The following DOCK2 variants were observed in gnomAD, a reference collection of about 807,000 sequenced individuals.
DOCK2 encodes dedicator of cytokinesis 2.
DOCK2 carries 87 observed loss-of-function variants against 248.9 expected under a neutral mutation model. The observed-to-expected ratio is 0.35, with a 90% CI of 0.29 to 0.42. The LOEUF (loss-of-function observed/expected upper bound fraction) is 0.42, where lower values mean the gene tolerates loss of function less well. Ranked by LOEUF, DOCK2 falls within the 10% of genes least tolerant of loss-of-function variation. DOCK2 has a pLI of 1.00. For synonymous variants in DOCK2, 805 were observed against 821.6 expected (o/e 0.98, Z 0.35); for missense variants, 1,747 against 2,300.2 (o/e 0.76, Z 4.92).
chr5:169,954,854 C>G (rs1274225238), intron 27 of DOCK2, among the ~76,000 whole-genome samples: 1 of 152,210 alleles, frequency 6.6e-6, no homozygotes, highest in East Asian at 1.9e-4. Context: ...GTGTGTAACC[C>G]AATGACCAAA....
chr5:169,747,909 T>A (rs751546805), intron 23 of DOCK2, among the ~76,000 whole-genome samples: 18 of 152,262 alleles, frequency 1.2e-4, no homozygotes, highest in Non-Finnish European at 1.8e-4. Context: ...AGTCCTCTCA[T>A]GTGTGGTCCA....
chr5:169,672,009 T>A (rs1311026052), intron 5 of DOCK2, among the ~76,000 whole-genome samples: 2 of 152,148 alleles, frequency 1.3e-5, no homozygotes, highest in Non-Finnish European at 2.9e-5. Flanking sequence ...TTTTTTTATT[T>A]ATTTTTTATT....
chr5:169,642,945 G>GT lies in DOCK2; in HGVS notation c.43+5586dup, dbSNP rs558853493. The stretch of plus-strand genomic sequence containing the variant: ...CGCTAATTTCTGGACCTTTGGATTT[G>GT]TTTTTTTTTTCAATAGTCAATTACA... On this transcript the variant is annotated intron_variant, in intron 1 of 51. Transcript: ENST00000520908. Among the ~76,000 whole-genome samples the GT allele has an allele frequency of 3.9e-3, 580 of 147,714 alleles. 1 individual carries two copies. The highest frequency in any genetic ancestry group is 6.0e-3 in the Non-Finnish European group (400 of 66,520).
chr5:169,760,373 CAGAG>C (rs758829617), intron 24 of DOCK2, among the ~76,000 whole-genome samples: 1 of 152,114 alleles, frequency 6.6e-6, no homozygotes, highest in Non-Finnish European at 1.5e-5. Context: ...AGATTACATA[CAGAG>C]AGTTATCATA....
intron 27 of DOCK2, among the ~76,000 whole-genome samples, chr5:169,915,811 G>C (rs2113634801): frequency 6.6e-6 from 1 of 152,276 alleles, no homozygotes; most frequent in African/African-American, 2.4e-5. Context: ...CCAAAACTGA[G>C]CTGGTACATA....
chr5:169,745,267 C>T (rs906550439), intron 22 of DOCK2, among the ~76,000 whole-genome samples: 3 of 152,188 alleles, frequency 2.0e-5, no homozygotes, highest in African/African-American at 7.2e-5. Context: ...CCCATCTTTT[C>T]TACTTTGATG....
chr5:169,708,020 G>A (rs1280189176), intron 14 of DOCK2, 149 bp from the exon 15 acceptor site: 1 of 671,606 alleles, frequency 1.5e-6, no homozygotes, highest in African/African-American at 1.8e-5. Flanking sequence ...AATAGAGAAG[G>A]AGCCATTATG....
At chr5:169,791,278 A>C (rs944572228) in intron 25 of DOCK2, among the ~76,000 whole-genome samples, 5 of 152,212 alleles carry the variant, frequency 3.3e-5, no homozygotes, top group African/African-American at 9.7e-5. Context: ...AATGGCTTGA[A>C]GTCATGATTG....
intron 27 of DOCK2, among the ~76,000 whole-genome samples, chr5:169,944,662 G>A (rs1776375353): frequency 6.6e-6 from 1 of 152,194 alleles, no homozygotes; most frequent in African/African-American, 2.4e-5. Context: ...CAATGATTGG[G>A]AGCAAACAGG....
intron 38 of DOCK2, 77 bp from the exon 39 acceptor site, chr5:170,045,739 C>G (rs993906900): frequency 7.2e-7 from 1 of 1,386,176 alleles, no homozygotes; most frequent in Non-Finnish European, 1.0e-6. Context: ...CACAGCTACG[C>G]CTGAGTCCCT....
intron 46 of DOCK2, among the ~76,000 whole-genome samples, chr5:170,072,401 A>G (rs1757706252): frequency 6.6e-6 from 1 of 152,210 alleles, no homozygotes; most frequent in South Asian, 2.1e-4. Context: ...ATGTGTATCT[A>G]AATTACCAAT....
rs1561709040 is a variant in DOCK2, at chr5:169,801,146, G to GGT, written c.2555-1912_2555-1911insGT. 7.9e-5 allele frequency among the ~76,000 whole-genome samples: 6 copies of GGT among 76,076 alleles called. 1 individual carries two copies. Among genetic ancestry groups the GGT allele is most frequent in the East Asian group, 9.9e-4 (2 of 2,024 alleles). The allele number at this position is 76,076 out of a possible 152,430, so 49.9% of individuals were successfully genotyped here. On this transcript the variant is annotated intron_variant, in intron 25 of 51. Coordinates refer to ENST00000520908, the MANE Select transcript of DOCK2 (RefSeq NM_004946.3). Reference sequence around the variant, plus strand: ...TGCCACCATGCCCAGATAGTTTTGGGTTTTTTTTTTTTTTTTTTTTTTTTT... The same window carrying GGT: ...TGCCACCATGCCCAGATAGTTTTGGGGTTTTTTTTTTTTTTTTTTTTTTTTTT...
At chr5:170,082,226 G>A (rs879475039) in intron 51 of DOCK2, among the ~76,000 whole-genome samples, 4 of 152,084 alleles carry the variant, frequency 2.6e-5, no homozygotes, top group Admixed American at 6.5e-5. Flanking sequence ...AGGACCCAGG[G>A]ACCTCAGAAG....
chr5:169,766,262 G>A (rs374515), intron 25 of DOCK2, among the ~76,000 whole-genome samples: 7,874 of 151,992 alleles, frequency 0.052, 402 homozygotes, highest in African/African-American at 0.13. Flanking sequence ...CTATTGTTCC[G>A]CTCTTTGCAT....
intron 15 of DOCK2, among the ~76,000 whole-genome samples, chr5:169,709,077 C>G (rs978466857): frequency 1.3e-5 from 2 of 152,208 alleles, no homozygotes; most frequent in East Asian, 3.8e-4. Flanking sequence ...ATAATACTGT[C>G]AGACAAGTCC....
At chr5:169,767,079 C>G (rs1764838481) in intron 25 of DOCK2, among the ~76,000 whole-genome samples, 1 of 152,174 alleles carries the variant, frequency 6.6e-6, no homozygotes, top group Admixed American at 6.5e-5. Context: ...TTCATAATAG[C>G]CATTTTGAGT....
intron 25 of DOCK2, among the ~76,000 whole-genome samples, chr5:169,782,289 T>C (rs1397573810): frequency 6.6e-6 from 1 of 152,064 alleles, no homozygotes. Flanking sequence ...GCCACATACA[T>C]CAAGAGACAG....
chr5:169,924,886 A>G (rs576193968), intron 27 of DOCK2, among the ~76,000 whole-genome samples: 1 of 152,184 alleles, frequency 6.6e-6, no homozygotes, highest in East Asian at 1.9e-4. Flanking sequence ...CCTGATAACT[A>G]CTTCCTCTAG....
At chr5:169,729,665 G>A (rs1313299763) in intron 22 of DOCK2, among the ~76,000 whole-genome samples, 1 of 152,186 alleles carries the variant, frequency 6.6e-6, no homozygotes, top group East Asian at 1.9e-4. Flanking sequence ...TTATACTGGG[G>A]GAGATGGAAA....
Sources: gnomAD v4.1 joint callset for allele counts (sites outside exome capture counted in the v4.1 genomes callset) on GRCh38, gnomAD v4.1.1 for gene constraint, MANE v1.5 for transcripts, NCBI Gene and HGNC (gene_info 2026-07-23, HGNC 2026-07-21) for gene names.